ADAMTS6: variants seen among roughly 807,000 people sequenced by gnomAD.
ADAMTS6 encodes the protein A disintegrin and metalloproteinase with thrombospondin motifs 6.
Under a neutral mutation model 144.3 loss-of-function variants are expected in ADAMTS6, and 23 were observed. That is an observed-to-expected ratio of 0.16 (90% CI 0.11 to 0.23). ADAMTS6 has a LOEUF of 0.23. ADAMTS6 is among the 10% of genes least tolerant of loss of function. ADAMTS6 has a pLI of 1.00. For synonymous variants in ADAMTS6, 444 were observed against 457.5 expected, an observed-to-expected ratio of 0.97 and a Z score of 0.38; for missense variants, 999 against 1,379.6, an observed-to-expected ratio of 0.72 and a Z score of 4.37.
intron 11 of ADAMTS6, among the ~76,000 whole-genome samples, chr5:65,274,393 T>C (rs1762294192): frequency 1.3e-5 from 2 of 152,010 alleles, no homozygotes; most frequent in South Asian, 2.1e-4. Context: ...TAGTATAATA[T>C]ATATTTATAA....
At chr5:65,215,596 G>A in intron 18 of ADAMTS6, 109 bp from the exon 19 acceptor site, 1 of 939,290 alleles carries the variant, frequency 1.1e-6, no homozygotes, top group South Asian at 1.8e-5. Flanking sequence ...TCCATTTAGA[G>A]ATGTGACTCT....
At chr5:65,246,720 G>C (rs1212828445) in intron 14 of ADAMTS6, among the ~76,000 whole-genome samples, 1 of 152,146 alleles carries the variant, frequency 6.6e-6, no homozygotes, top group Non-Finnish European at 1.5e-5. Context: ...ATAGAGAATG[G>C]AAAGGCTTCA....
At chr5:65,208,021 A>G (rs562146587) in intron 20 of ADAMTS6, among the ~76,000 whole-genome samples, 6 of 152,354 alleles carry the variant, frequency 3.9e-5, no homozygotes, top group African/African-American at 1.4e-4. Flanking sequence ...GCCATATTAA[A>G]CAAAATTATG....
intron 17 of ADAMTS6, among the ~76,000 whole-genome samples, chr5:65,224,643 T>A (rs114144623): frequency 0.025 from 3,846 of 152,262 alleles, 165 homozygotes; most frequent in African/African-American, 0.087. Context: ...CGAATAATGG[T>A]TCCTTTTCTT....
At chr5:65,265,611 A>G (rs566281064) in intron 12 of ADAMTS6, among the ~76,000 whole-genome samples, 1 of 152,096 alleles carries the variant, frequency 6.6e-6, no homozygotes, top group African/African-American at 2.4e-5. Flanking sequence ...ATGAGAACTG[A>G]CACTTTCAGA....
intron 14 of ADAMTS6, among the ~76,000 whole-genome samples, chr5:65,257,854 T>C (rs1165623012): frequency 6.6e-6 from 1 of 152,218 alleles, no homozygotes; most frequent in Non-Finnish European, 1.5e-5. Flanking sequence ...TCCCATCATA[T>C]CACTTACCAC....
rs201204590 is a variant in ADAMTS6, at chr5:65,210,430, G to A, written c.2575+4364C>T. 1,055 of 175,180 alleles carry A rather than the reference G, an allele frequency of 6.0e-3. 6 individuals carry two copies. Among genetic ancestry groups the A allele is most frequent in the East Asian group, 0.025 (151 of 5,972 alleles). 10.9% of individuals were successfully genotyped at this position (175,180 alleles called of 1,614,324 possible). A position where few individuals can be genotyped will look rare whatever the true frequency, so the allele number is the denominator to read the frequency against. ...CGCGCCACTGCACTCCAGCCTGGGC[G>A]ACAGAGCGAAACTCCGTCTCAAAAA... On this transcript the variant is annotated intron_variant, in intron 20 of 24. Transcript: ENST00000381055.
chr5:65,299,266 TAAC>T (rs1313712553), intron 10 of ADAMTS6, among the ~76,000 whole-genome samples: 1 of 152,158 alleles, frequency 6.6e-6, no homozygotes, highest in Non-Finnish European at 1.5e-5. Context: ...TAAATTCATT[TAAC>T]AACTTAGGAC....
intron 7 of ADAMTS6, among the ~76,000 whole-genome samples, chr5:65,442,024 A>G (rs1309325737): frequency 6.6e-6 from 1 of 151,688 alleles, no homozygotes; most frequent in Non-Finnish European, 1.5e-5. Flanking sequence ...GCCATAAGGA[A>G]CCACAAACAA....
intron 11 of ADAMTS6, among the ~76,000 whole-genome samples, chr5:65,287,198 C>T (rs1741754412): frequency 6.6e-6 from 1 of 152,128 alleles, no homozygotes; most frequent in African/African-American, 2.4e-5. Flanking sequence ...AAATCCAGGA[C>T]TCAAGAGTTT....
chr5:65,370,370 C>A (rs1251376078), intron 7 of ADAMTS6, among the ~76,000 whole-genome samples: 2 of 152,194 alleles, frequency 1.3e-5, no homozygotes, highest in Admixed American at 6.5e-5. Flanking sequence ...GTACCGGGTT[C>A]ATCTCACTAG....
At chr5:65,452,253 A>C (rs749627410) in intron 5 of ADAMTS6, 37 bp from the exon 6 acceptor site, 6 of 1,588,312 alleles carry the variant, frequency 3.8e-6, no homozygotes, top group South Asian at 1.1e-5. Context: ...ACAAAGTCAG[A>C]CAAAAATTAT....
At chr5:65,457,611 T>C (rs1759309426) in intron 4 of ADAMTS6, among the ~76,000 whole-genome samples, 1 of 152,034 alleles carries the variant, frequency 6.6e-6, no homozygotes, top group Non-Finnish European at 1.5e-5. Flanking sequence ...TATGATAAAA[T>C]CTTTAAATAT....
intron 9 of ADAMTS6, among the ~76,000 whole-genome samples, chr5:65,303,819 G>T (rs548078451): frequency 5.3e-5 from 8 of 151,946 alleles, no homozygotes; most frequent in African/African-American, 1.9e-4. Context: ...AATTGCTATG[G>T]CATTTAGATT....
intron 1 of ADAMTS6, among the ~76,000 whole-genome samples, chr5:65,481,099 A>AT (rs66598948): frequency 0.39 from 59,087 of 150,812 alleles, 12,018 homozygotes; most frequent in African/African-American, 0.52. Flanking sequence ...AAATAAACGT[A>AT]TTTTTTTTGC....
At chr5:65,175,146 A>G (rs1425258207) in intron 22 of ADAMTS6, among the ~76,000 whole-genome samples, 3 of 152,018 alleles carry the variant, frequency 2.0e-5, no homozygotes, top group Admixed American at 1.3e-4. Context: ...GAACAGCAGC[A>G]TAAGTGGCTG....
intron 9 of ADAMTS6, among the ~76,000 whole-genome samples, chr5:65,317,799 C>A (rs1191550187): frequency 6.6e-6 from 1 of 152,044 alleles, no homozygotes; most frequent in Admixed American, 6.5e-5. Context: ...GCAGGCCAGG[C>A]GTGGTGGCTC....
At chr5:65,441,557 T>C (rs1462580366) in intron 7 of ADAMTS6, among the ~76,000 whole-genome samples, 5 of 152,148 alleles carry the variant, frequency 3.3e-5, no homozygotes, top group Non-Finnish European at 5.9e-5. Flanking sequence ...TTAAACACCA[T>C]GACCACCCAA....
chr5:65,283,698 A>G (rs1452133719), intron 11 of ADAMTS6, among the ~76,000 whole-genome samples: 1 of 152,142 alleles, frequency 6.6e-6, no homozygotes, highest in African/African-American at 2.4e-5. Flanking sequence ...ACACTGTAGA[A>G]TATTTATACC....
Sources: gnomAD v4.1 joint callset for allele counts (sites outside exome capture counted in the v4.1 genomes callset) on GRCh38, gnomAD v4.1.1 for gene constraint, MANE v1.5 for transcripts, NCBI Gene and HGNC (gene_info 2026-07-23, HGNC 2026-07-21) for gene names.